The following TMEM132D variants were observed in gnomAD, a reference collection of about 807,000 sequenced individuals.
The protein encoded by TMEM132D is transmembrane protein 132D, also known as mature OL transmembrane protein.
TMEM132D carries 21 observed loss-of-function variants against 62.3 expected under a neutral mutation model. That is an observed-to-expected ratio of 0.34 (90% CI 0.24 to 0.49). TMEM132D has a LOEUF of 0.49. TMEM132D is among the 20% of genes least tolerant of loss of function. TMEM132D has a pLI of 0.99. For missense variants in TMEM132D, 1,346 were observed against 1,402.8 expected (o/e 0.96, Z 0.65); for synonymous variants, 621 against 575.6 (o/e 1.08, Z -1.13).
intron 1 of TMEM132D, among the ~76,000 whole-genome samples, chr12:129,885,098 G>A (rs1874708220): frequency 6.6e-6 from 1 of 152,182 alleles, no homozygotes; most frequent in Non-Finnish European, 1.5e-5. Flanking sequence ...TCAAATGTGT[G>A]GTTCCCAGGG....
intron 3 of TMEM132D, among the ~76,000 whole-genome samples, chr12:129,518,656 A>C (rs1229744432): frequency 1.3e-5 from 2 of 151,932 alleles, no homozygotes; most frequent in African/African-American, 4.8e-5. Context: ...GTTTTATTTC[A>C]TGCCTTTTTT....
rs1879293476 is a variant in TMEM132D, at chr12:129,629,106, T to C, written c.968+70704A>G. On this transcript the variant is annotated intron_variant, in intron 2 of 8. Transcript: ENST00000422113. ...AGACTTACCCACCTTCGTGCCACCC[T>C]TGGCTCTCACCACCTGCCTTCTACC... 2.6e-5 allele frequency among the ~76,000 whole-genome samples: 4 copies of C among 152,210 alleles called. No homozygotes were observed. The South Asian group carries it at 8.3e-4, about 32-fold the overall frequency.
intron 3 of TMEM132D, among the ~76,000 whole-genome samples, chr12:129,422,372 G>A (rs944776537): frequency 6.6e-6 from 1 of 152,090 alleles, no homozygotes; most frequent in African/African-American, 2.4e-5. Context: ...CAACTTGATA[G>A]AACAAAAAAT....
intron 5 of TMEM132D, among the ~76,000 whole-genome samples, chr12:129,173,859 C>T (rs1021899219): frequency 1.3e-5 from 2 of 152,160 alleles, no homozygotes; most frequent in Non-Finnish European, 2.9e-5. Context: ...TTTTAACAAT[C>T]CGCATGTGCT....
At chr12:129,332,699 A>G (rs1869147260) in intron 4 of TMEM132D, among the ~76,000 whole-genome samples, 1 of 152,244 alleles carries the variant, frequency 6.6e-6, no homozygotes, top group Non-Finnish European at 1.5e-5. Flanking sequence ...GGATTTGACT[A>G]CATACAAATT....
At chr12:129,580,743 A>C (rs76920088) in intron 2 of TMEM132D, among the ~76,000 whole-genome samples, 53,507 of 151,514 alleles carry the variant, frequency 0.35, 10,087 homozygotes, top group Non-Finnish European at 0.41. Context: ...ATAAATAAAT[A>C]AATAAATAAA....
chr12:129,512,195 A>G (rs992229468), intron 3 of TMEM132D, among the ~76,000 whole-genome samples: 1 of 152,178 alleles, frequency 6.6e-6, no homozygotes, highest in Non-Finnish European at 1.5e-5. Context: ...CTACTTTCTG[A>G]GTTTCAGTGG....
intron 1 of TMEM132D, among the ~76,000 whole-genome samples, chr12:129,790,691 T>G (rs1459142037): frequency 6.6e-6 from 1 of 152,182 alleles, no homozygotes; most frequent in Non-Finnish European, 1.5e-5. Context: ...CAGGAATGCA[T>G]GTTCCCACTT....
chr12:129,692,237 C>T (rs963208505), intron 2 of TMEM132D, among the ~76,000 whole-genome samples: 2 of 152,152 alleles, frequency 1.3e-5, no homozygotes, highest in African/African-American at 4.8e-5. Context: ...ACACACCACA[C>T]TCAAGTGGAG....
intron 3 of TMEM132D, among the ~76,000 whole-genome samples, chr12:129,387,125 C>G (rs1028169161): frequency 6.6e-6 from 1 of 151,938 alleles, no homozygotes; most frequent in Non-Finnish European, 1.5e-5. Context: ...AACATGAATG[C>G]CAACACCAAC....
chr12:129,838,497 AC>A (rs370483116), intron 1 of TMEM132D, among the ~76,000 whole-genome samples: 1,855 of 152,272 alleles, frequency 0.012, 24 homozygotes, highest in South Asian at 0.062. Context: ...AGATTGCCTA[AC>A]CCCCTTCCAC....
At chr12:129,215,154 T>C (rs1204045268) in intron 4 of TMEM132D, among the ~76,000 whole-genome samples, 2 of 152,222 alleles carry the variant, frequency 1.3e-5, no homozygotes. Context: ...ATCATGTCCT[T>C]TGCAGGGACA....
intron 5 of TMEM132D, among the ~76,000 whole-genome samples, chr12:129,148,462 G>GTTGTTGGTTT (rs1876976036): frequency 6.6e-6 from 1 of 152,112 alleles, no homozygotes; most frequent in South Asian, 2.1e-4. Context: ...AGTAGGCTGT[G>GTTGTTGGTTT]TTGTTGGTTT....
intron 1 of TMEM132D, among the ~76,000 whole-genome samples, chr12:129,800,067 C>G (rs1183161775): frequency 1.3e-5 from 2 of 152,138 alleles, no homozygotes. Flanking sequence ...TAAAAAAAGT[C>G]TTCTAGATGA....
At chr12:129,743,564 A>G (rs1395728770) in intron 1 of TMEM132D, among the ~76,000 whole-genome samples, 4 of 152,198 alleles carry the variant, frequency 2.6e-5, no homozygotes, top group South Asian at 2.1e-4. Flanking sequence ...TAAATTTGCC[A>G]GTTTCAGGTA....
intron 3 of TMEM132D, among the ~76,000 whole-genome samples, chr12:129,372,901 A>T (rs1418823164): frequency 6.6e-6 from 1 of 152,102 alleles, no homozygotes; most frequent in Non-Finnish European, 1.5e-5. Flanking sequence ...ATCATCCCCA[A>T]ACTCCACTGG....
intron 1 of TMEM132D, among the ~76,000 whole-genome samples, chr12:129,748,741 G>A (rs1431895304): frequency 6.6e-6 from 1 of 152,190 alleles, no homozygotes; most frequent in East Asian, 1.9e-4. Context: ...AGATATGTGT[G>A]ATTTGACAAG....
intron 3 of TMEM132D, among the ~76,000 whole-genome samples, chr12:129,453,847 T>A (rs1873379645): frequency 6.6e-6 from 1 of 152,212 alleles, no homozygotes; most frequent in South Asian, 2.1e-4. Context: ...CGTGTTCCTG[T>A]GTCTGTGTAT....
intron 4 of TMEM132D, among the ~76,000 whole-genome samples, chr12:129,287,240 A>T (rs1881326381): frequency 6.6e-6 from 1 of 152,222 alleles, no homozygotes. Context: ...CGAGGAAGAA[A>T]ATAAATACTG....
Sources: gnomAD v4.1 joint callset for allele counts (sites outside exome capture counted in the v4.1 genomes callset) on GRCh38, gnomAD v4.1.1 for gene constraint, MANE v1.5 for transcripts, NCBI Gene and HGNC (gene_info 2026-07-23, HGNC 2026-07-21) for gene names.